Variants in MYO16 observed in about 807,000 individuals in gnomAD.
MYO16 encodes myosin XVI.
In MYO16, 94 loss-of-function variants were observed where a neutral mutation model predicts 205.3. That is an observed-to-expected ratio of 0.46 (90% CI 0.39 to 0.54). MYO16 has a LOEUF of 0.54. MYO16 is among the 20% of genes least tolerant of loss of function. The probability of loss-of-function intolerance (pLI) is 0.00; values close to 1 mark genes in which losing one functional copy is unlikely to be tolerated. For synonymous variants in MYO16, 988 were observed against 954.0 expected, an observed-to-expected ratio of 1.04 and a Z score of -0.66; for missense variants, 2,315 against 2,387.5, an observed-to-expected ratio of 0.97 and a Z score of 0.63.
chr13:108,570,648 T>G, the MYO16 span, among the ~76,000 whole-genome samples: 1 of 152,236 alleles, frequency 6.6e-6, no homozygotes, highest in Non-Finnish European at 1.5e-5. Flanking sequence ...TTTGCTTACT[T>G]TGGGTACAAG....
chr13:109,132,963 G>A (rs991071478), intron 31 of MYO16, among the ~76,000 whole-genome samples: 33 of 152,268 alleles, frequency 2.2e-4, no homozygotes, highest in Non-Finnish European at 1.2e-4. Context: ...CTTGCCCTCC[G>A]TGGAAACTGC....
chr13:109,184,642 G>A (rs1231591404), intron 34 of MYO16, among the ~76,000 whole-genome samples: 1 of 152,100 alleles, frequency 6.6e-6, no homozygotes, highest in East Asian at 1.9e-4. Context: ...TCTGTCCCAG[G>A]CTGGAGTTCA....
chr13:108,571,301 G>GAA, the MYO16 span, among the ~76,000 whole-genome samples: 609 of 127,150 alleles, frequency 4.8e-3, 5 homozygotes, highest in African/African-American at 0.017. Context: ...GCCCTGGGAT[G>GAA]AAAAAAAAAA....
At chr13:108,842,686 C>A (rs1400117395) in intron 9 of MYO16, among the ~76,000 whole-genome samples, 3 of 152,016 alleles carry the variant, frequency 2.0e-5, no homozygotes, top group Admixed American at 6.6e-5. Context: ...GCTACGGAAA[C>A]AAGTATGGAG....
chr13:108,917,459 A>G (rs1354966640), intron 16 of MYO16, among the ~76,000 whole-genome samples: 1 of 152,206 alleles, frequency 6.6e-6, no homozygotes, highest in South Asian at 2.1e-4. Context: ...TCAGAATGCA[A>G]GTGTCAGTAA....
At chr13:108,970,737 G>T (rs989926684) in intron 20 of MYO16, among the ~76,000 whole-genome samples, 1 of 152,170 alleles carries the variant, frequency 6.6e-6, no homozygotes, top group African/African-American at 2.4e-5. Flanking sequence ...TCCTCAAGAC[G>T]TGTGAAATGC....
chr13:109,138,361 A>C (rs1471284303), intron 31 of MYO16, among the ~76,000 whole-genome samples: 1 of 152,238 alleles, frequency 6.6e-6, no homozygotes, highest in African/African-American at 2.4e-5. Flanking sequence ...TATTTCTAAG[A>C]CTGGAGGTAA....
intron 9 of MYO16, among the ~76,000 whole-genome samples, chr13:108,843,540 T>C (rs1474457187): frequency 6.6e-6 from 1 of 152,162 alleles, no homozygotes; most frequent in African/African-American, 2.4e-5. Flanking sequence ...TTAGCTCTTA[T>C]TAGAATCCCA....
At chr13:109,154,045 A>T (rs1321891987) in intron 32 of MYO16, among the ~76,000 whole-genome samples, 1 of 152,238 alleles carries the variant, frequency 6.6e-6, no homozygotes, top group African/African-American at 2.4e-5. Flanking sequence ...CACCAGAAAG[A>T]GATGCAACCG....
chr13:109,016,858 C>T (rs1885844362), intron 22 of MYO16, among the ~76,000 whole-genome samples: 1 of 151,804 alleles, frequency 6.6e-6, no homozygotes, highest in African/African-American at 2.4e-5. Context: ...CTATATATGT[C>T]TCTGCATGTG....
At chr13:108,988,312 A>G (rs1377196244) in intron 20 of MYO16, among the ~76,000 whole-genome samples, 1 of 152,200 alleles carries the variant, frequency 6.6e-6, no homozygotes, top group Non-Finnish European at 1.5e-5. Context: ...TAACAGACGC[A>G]TATTTCAGTC....
intron 12 of MYO16, among the ~76,000 whole-genome samples, chr13:108,870,595 A>C (rs1879001875): frequency 6.8e-6 from 1 of 146,760 alleles, no homozygotes; most frequent in South Asian, 2.2e-4. Context: ...TTTCTGTGCT[A>C]GTTTTTAATG....
At chr13:108,549,656 A>T in the MYO16 span, among the ~76,000 whole-genome samples, 8 of 152,022 alleles carry the variant, frequency 5.3e-5, no homozygotes, top group Non-Finnish European at 4.4e-5. Context: ...TCCTTTGGGG[A>T]TGGAAAGACA....
At chr13:109,124,235 T>G (rs1263753734) in intron 29 of MYO16, among the ~76,000 whole-genome samples, 1 of 152,218 alleles carries the variant, frequency 6.6e-6, no homozygotes, top group Non-Finnish European at 1.5e-5. Context: ...GTTGCTGATC[T>G]GCCCCCTGGA....
At chr13:108,833,874 G>A (rs2139047321) in intron 9 of MYO16, among the ~76,000 whole-genome samples, 1 of 151,890 alleles carries the variant, frequency 6.6e-6, no homozygotes, top group South Asian at 2.1e-4. Context: ...ACCCTTGGAT[G>A]GTACTGATTT....
chr13:108,926,206 C>G (rs1881994510), intron 16 of MYO16, among the ~76,000 whole-genome samples: 1 of 152,186 alleles, frequency 6.6e-6, no homozygotes, highest in South Asian at 2.1e-4. Flanking sequence ...AGGGAGGTGT[C>G]TAGAAGACCA....
chr13:108,642,935 C>G (rs1566523816), intron 1 of MYO16, among the ~76,000 whole-genome samples: 1 of 152,130 alleles, frequency 6.6e-6, no homozygotes, highest in Non-Finnish European at 1.5e-5. Context: ...TGCCTCTTAA[C>G]TTTCTGAAAG....
chr13:109,120,109 C>T (rs1875918615), intron 28 of MYO16, among the ~76,000 whole-genome samples: 1 of 152,194 alleles, frequency 6.6e-6, no homozygotes, highest in Non-Finnish European at 1.5e-5. Flanking sequence ...TTCTCTTTTG[C>T]ACCACATGGT....
At chr13:108,641,373 G>C (rs1880496329) in intron 1 of MYO16, among the ~76,000 whole-genome samples, 1 of 152,164 alleles carries the variant, frequency 6.6e-6, no homozygotes, top group Non-Finnish European at 1.5e-5. Flanking sequence ...ATCTAGAAAT[G>C]AGAAGTGACA....
Sources: gnomAD v4.1 joint callset for allele counts (sites outside exome capture counted in the v4.1 genomes callset) on GRCh38, gnomAD v4.1.1 for gene constraint, MANE v1.5 for transcripts, NCBI Gene and HGNC (gene_info 2026-07-23, HGNC 2026-07-21) for gene names.